The following FANCC variants were observed in gnomAD, a reference collection of about 807,000 sequenced individuals.
FANCC encodes the protein FA complementation group C.
Under a neutral mutation model 71.3 loss-of-function variants are expected in FANCC, and 55 were observed. The observed-to-expected ratio is 0.77, with a 90% confidence interval of 0.62 to 0.97. The LOEUF is 0.97. FANCC is among the 50% of genes least tolerant of loss of function. The pLI, the probability that FANCC is intolerant of heterozygous loss-of-function variation, is 0.00. For synonymous variants in FANCC, 275 were observed against 244.9 expected (o/e 1.12, Z -1.15); for missense variants, 678 against 670.9 (o/e 1.01, Z -0.12).
At chr9:95,305,631 T>C (rs1301927698) in intron 1 of FANCC, among the ~76,000 whole-genome samples, 1 of 152,208 alleles carries the variant, frequency 6.6e-6, no homozygotes, top group Non-Finnish European at 1.5e-5. Context: ...TTCCCAACTT[T>C]AATTCTAACA....
chr9:95,216,085 C>G (rs1391937860), intron 4 of FANCC, among the ~76,000 whole-genome samples: 1 of 152,044 alleles, frequency 6.6e-6, no homozygotes, highest in Non-Finnish European at 1.5e-5. Context: ...AAACCAAAAA[C>G]TATACGCTAC....
intron 1 of FANCC, 105 bp downstream of exon 1, chr9:95,317,421 T>G (rs1835831916): frequency 6.5e-6 from 1 of 152,702 alleles, no homozygotes; most frequent in Admixed American, 6.5e-5. Flanking sequence ...TCGCGAGCCT[T>G]CCCTCTTGCC....
At position 95,284,079 on chromosome 9, in the gene FANCC, T is replaced by C. The variant is rs1016794704; in HGVS notation, c.-79+33447A>G. ...CAATGTCAGTTATTATCATTAGTTA[T>C]TGTATTTCTAAGTAGAAACCAATGT... On this transcript the variant is annotated intron_variant, in intron 1 of 14. Coordinates refer to ENST00000289081, the MANE Select transcript of FANCC (RefSeq NM_000136.3). Among the ~76,000 whole-genome samples the C allele has an allele frequency of 7.2e-5, 11 of 152,402 alleles. No individual in the cohort carries two copies. The East Asian group carries it at 2.1e-3, about 29-fold the overall frequency.
chr9:95,152,640 T>C (rs1340998658), intron 6 of FANCC, among the ~76,000 whole-genome samples: 1 of 152,244 alleles, frequency 6.6e-6, no homozygotes, highest in East Asian at 1.9e-4. Context: ...CTATTTACTT[T>C]AAAATTTTTA....
At chr9:95,120,812 C>A (rs944934) in intron 10 of FANCC, among the ~76,000 whole-genome samples, 29,633 of 152,176 alleles carry the variant, frequency 0.19, 3,027 homozygotes, top group Middle Eastern at 0.3. Context: ...AAATTAATGT[C>A]ATTGTTGGTA....
chr9:95,256,680 C>T (rs578256395), intron 1 of FANCC, among the ~76,000 whole-genome samples: 4 of 152,286 alleles, frequency 2.6e-5, no homozygotes, highest in Admixed American at 1.3e-4. Context: ...CAAATTCACA[C>T]ATAAAAATAT....
intron 1 of FANCC, among the ~76,000 whole-genome samples, chr9:95,269,411 G>T (rs1422897450): frequency 6.6e-6 from 1 of 152,216 alleles, no homozygotes; most frequent in Non-Finnish European, 1.5e-5. Flanking sequence ...TCTCCTTGAG[G>T]AGCTTAAGAT....
At chr9:95,122,024 AT>A (rs1288249192) in intron 10 of FANCC, among the ~76,000 whole-genome samples, 2 of 151,640 alleles carry the variant, frequency 1.3e-5, no homozygotes, top group African/African-American at 4.8e-5. Context: ...TGCCCGGCGA[AT>A]TTTTTTGTAT....
At chr9:95,189,085 A>G (rs959177201) in intron 4 of FANCC, among the ~76,000 whole-genome samples, 7 of 152,252 alleles carry the variant, frequency 4.6e-5, no homozygotes, top group Admixed American at 2.0e-4. Context: ...ACTTAAAAAA[A>G]TGGAACAAAT....
At chr9:95,272,708 C>G (rs965150549) in intron 1 of FANCC, among the ~76,000 whole-genome samples, 7 of 152,054 alleles carry the variant, frequency 4.6e-5, no homozygotes, top group African/African-American at 1.7e-4. Flanking sequence ...AAAAACAAAA[C>G]CAAAACAACA....
chr9:95,247,602 A>C (rs966297714), intron 2 of FANCC, 86 bp from the exon 3 acceptor site: 3 of 862,846 alleles, frequency 3.5e-6, no homozygotes, highest in Non-Finnish European at 2.0e-6. Context: ...AGGGAACGTG[A>C]ATGCTTCTTG....
rs1284061457 is a variant in FANCC, at chr9:95,111,540, G to C, written c.1252C>G (p.Pro418Ala). Residue 418 changes from proline to alanine, a missense_variant, in exon 13 of 15, where the codon CCC (proline) becomes GCC (alanine). By Grantham distance (27) the Pro-to-Ala change is conservative (BLOSUM62 -1). Transcript: ENST00000289081. ...AEQLLMSAAE[P>A]PTALLWLLAF... Reference sequence around the variant, plus strand: ...AAGAGCCACAGCAGGGCCGTGGGGGGTTCGGCTGCCGACATCAGTAATTGC... The same window carrying C: ...AAGAGCCACAGCAGGGCCGTGGGGGCTTCGGCTGCCGACATCAGTAATTGC... 1.9e-5 allele frequency: 30 copies of C among 1,614,128 alleles called. No homozygotes were observed. Among genetic ancestry groups the C allele is most frequent in the Non-Finnish European group, 2.5e-5 (29 of 1,180,034 alleles).
At chr9:95,263,422 C>A (rs1331516599) in intron 1 of FANCC, among the ~76,000 whole-genome samples, 2 of 151,564 alleles carry the variant, frequency 1.3e-5, no homozygotes, top group Non-Finnish European at 2.9e-5. Context: ...GTTCTCAGGG[C>A]CCATTTACAT....
intron 4 of FANCC, among the ~76,000 whole-genome samples, chr9:95,190,511 C>G (rs1410164095): frequency 1.3e-5 from 2 of 152,236 alleles, no homozygotes; most frequent in Non-Finnish European, 2.9e-5. Flanking sequence ...CTTCTCTAAT[C>G]TGGCTTCTAT....
intron 1 of FANCC, among the ~76,000 whole-genome samples, chr9:95,291,886 T>A (rs970525303): frequency 7.2e-6 from 1 of 138,360 alleles, no homozygotes; most frequent in African/African-American, 2.7e-5. Flanking sequence ...AGGTGGAGGA[T>A]GCAGTGAGCC....
intron 1 of FANCC, chr9:95,293,020 A>G: frequency 6.3e-7 from 1 of 1,589,006 alleles, no homozygotes; most frequent in East Asian, 2.2e-5. Context: ...AAGAAAAGGA[A>G]AATGGAAAAC....
At chr9:95,222,364 C>T (rs1397105889) in intron 4 of FANCC, among the ~76,000 whole-genome samples, 1 of 151,780 alleles carries the variant, frequency 6.6e-6, no homozygotes, top group Non-Finnish European at 1.5e-5. Context: ...AAACATTATG[C>T]CGAATGAAGG....
intron 3 of FANCC, among the ~76,000 whole-genome samples, chr9:95,244,900 G>C (rs574090076): frequency 3.3e-5 from 5 of 151,892 alleles, no homozygotes; most frequent in African/African-American, 1.2e-4. Context: ...GTATTCTAGG[G>C]AAAGCGACTT....
chr9:95,125,256 T>C (rs1489410801), intron 9 of FANCC, 71 bp from the exon 10 acceptor site: 2 of 1,260,368 alleles, frequency 1.6e-6, no homozygotes, highest in Non-Finnish European at 1.2e-6. Context: ...CTGCACTGTA[T>C]AAGGGAAAAG....
Sources: gnomAD v4.1 joint callset for allele counts (sites outside exome capture counted in the v4.1 genomes callset) on GRCh38, gnomAD v4.1.1 for gene constraint, MANE v1.5 for transcripts, NCBI Gene and HGNC (gene_info 2026-07-23, HGNC 2026-07-21) for gene names.